KCNH8: variants seen among roughly 807,000 people sequenced by gnomAD.
The protein encoded by KCNH8 is potassium voltage-gated channel subfamily H member 8.
A neutral mutation model predicts 103.6 loss-of-function variants in KCNH8; 70 were observed. The observed-to-expected ratio is 0.68, with a 90% CI of 0.56 to 0.82. KCNH8 has a LOEUF of 0.82. Ranked by LOEUF, KCNH8 falls within the 40% of genes least tolerant of loss-of-function variation. The pLI is 0.00. For synonymous variants in KCNH8, 498 were observed against 489.4 expected, an observed-to-expected ratio of 1.02 and a Z score of -0.23; for missense variants, 1,217 against 1,329.9, an observed-to-expected ratio of 0.92 and a Z score of 1.32.
chr3:19,517,326 C>T (rs1389536774), intron 14 of KCNH8, among the ~76,000 whole-genome samples: 11 of 151,980 alleles, frequency 7.2e-5, no homozygotes, highest in Admixed American at 7.2e-4. Context: ...CTTTTCTTCC[C>T]CCACCAACAA....
At chr3:19,510,189 T>C (rs986158296) in intron 11 of KCNH8, among the ~76,000 whole-genome samples, 174 bp from the exon 12 acceptor site, 3 of 152,136 alleles carry the variant, frequency 2.0e-5, no homozygotes, top group African/African-American at 7.2e-5. Flanking sequence ...TTTGGCACAT[T>C]GTAGAAGGTG....
At chr3:19,326,551 T>C (rs896201267) in intron 3 of KCNH8, among the ~76,000 whole-genome samples, 2 of 151,960 alleles carry the variant, frequency 1.3e-5, no homozygotes, top group Non-Finnish European at 2.9e-5. Flanking sequence ...AATGTTGGTA[T>C]TCTATTGATT....
chr3:19,295,375 C>G (rs2064982650), intron 3 of KCNH8, among the ~76,000 whole-genome samples: 1 of 147,220 alleles, frequency 6.8e-6, no homozygotes, highest in Non-Finnish European at 1.5e-5. Context: ...CATAGAGAGA[C>G]CCTGTCTCAA....
At chr3:19,187,927 T>C (rs1350406959) in intron 1 of KCNH8, among the ~76,000 whole-genome samples, 4 of 152,098 alleles carry the variant, frequency 2.6e-5, no homozygotes, top group African/African-American at 4.8e-5. Flanking sequence ...TATTTATTGT[T>C]ATATTACTTA....
At chr3:19,530,695 C>T (rs1340650328) in intron 15 of KCNH8, among the ~76,000 whole-genome samples, 1 of 152,172 alleles carries the variant, frequency 6.6e-6, no homozygotes. Context: ...GCTTTTTACT[C>T]ATGAGGCTAC....
chr3:19,507,642 G>A (rs1191369356), intron 11 of KCNH8, among the ~76,000 whole-genome samples: 2 of 152,196 alleles, frequency 1.3e-5, no homozygotes, highest in African/African-American at 4.8e-5. Flanking sequence ...TGGGGACAGG[G>A]TAGTTGTGTT....
chr3:19,492,864 TGTGTGTG>T (rs1352486033), intron 11 of KCNH8, among the ~76,000 whole-genome samples: 65 of 146,022 alleles, frequency 4.5e-4, no homozygotes, highest in African/African-American at 1.6e-3. Flanking sequence ...TGTGTGTGTG[TGTGTGTG>T]TGTGTGTGTG....
chr3:19,384,133 T>C (rs1340382451), intron 5 of KCNH8, among the ~76,000 whole-genome samples: 2 of 152,180 alleles, frequency 1.3e-5, no homozygotes, highest in Admixed American at 6.5e-5. Context: ...ATAACACAAA[T>C]AATTAGTTGT....
At chr3:19,437,029 T>C (rs1575065961) in intron 7 of KCNH8, among the ~76,000 whole-genome samples, 1 of 152,188 alleles carries the variant, frequency 6.6e-6, no homozygotes, top group South Asian at 2.1e-4. Context: ...GCTTCAAATT[T>C]GCATTTTAAT....
At chr3:19,254,877 C>T (rs1221820493) in intron 2 of KCNH8, among the ~76,000 whole-genome samples, 5 of 152,070 alleles carry the variant, frequency 3.3e-5, no homozygotes, top group Non-Finnish European at 5.9e-5. Flanking sequence ...GTATTTTGTG[C>T]AATCTCTGGG....
At chr3:19,192,699 T>C (rs1353448986) in intron 1 of KCNH8, among the ~76,000 whole-genome samples, 3 of 151,744 alleles carry the variant, frequency 2.0e-5, no homozygotes, top group Admixed American at 2.0e-4. Flanking sequence ...ACATAAAATG[T>C]CTCTAGTTAA....
At chr3:19,395,465 A>G (rs145346853) in intron 7 of KCNH8, among the ~76,000 whole-genome samples, 154 bp downstream of exon 7, 160 of 152,190 alleles carry the variant, frequency 1.1e-3, no homozygotes, top group African/African-American at 3.6e-3. Flanking sequence ...TGACACAAGT[A>G]ATTTATTTCA....
intron 11 of KCNH8, among the ~76,000 whole-genome samples, chr3:19,471,206 G>C (rs545560700): frequency 2.4e-4 from 36 of 152,276 alleles, no homozygotes; most frequent in African/African-American, 8.4e-4. Context: ...GAAGAGAACA[G>C]CAGATGTTCA....
At position 19,178,621 on chromosome 3, in the gene KCNH8, G is replaced by C. The variant is rs146647541; in HGVS notation, c.76+29826G>C. Among the ~76,000 whole-genome samples, 1,163 of 152,238 alleles carry C rather than the reference G, an allele frequency of 7.6e-3. 15 individuals are homozygous for C. Among genetic ancestry groups the C allele is most frequent in the African/African-American group, 0.027 (1,114 of 41,556 alleles). ...TAGACTGAGATTTGAATTCTGAGTA[G>C]AATCTGTTGGCTAGAAAGGGAGTGT... On this transcript the variant is annotated intron_variant, in intron 1 of 15. Transcript: ENST00000328405.
intron 5 of KCNH8, among the ~76,000 whole-genome samples, chr3:19,371,860 A>C (rs1260313420): frequency 1.3e-5 from 2 of 150,644 alleles, no homozygotes; most frequent in Non-Finnish European, 3.0e-5. Flanking sequence ...ACCATTTATT[A>C]AATAGGGAAT....
At chr3:19,428,328 C>G (rs2067059598) in intron 7 of KCNH8, among the ~76,000 whole-genome samples, 1 of 152,132 alleles carries the variant, frequency 6.6e-6, no homozygotes, top group Admixed American at 6.5e-5. Context: ...GTGTCTTAAC[C>G]ATTTAATGAC....
intron 3 of KCNH8, among the ~76,000 whole-genome samples, chr3:19,320,285 G>A (rs568228005): frequency 6.6e-6 from 1 of 152,076 alleles, no homozygotes; most frequent in Non-Finnish European, 1.5e-5. Flanking sequence ...GTATAATATT[G>A]GCTGTGGGTT....
intron 7 of KCNH8, among the ~76,000 whole-genome samples, chr3:19,421,259 C>T (rs1031317370): frequency 6.6e-6 from 1 of 151,996 alleles, no homozygotes; most frequent in African/African-American, 2.4e-5. Context: ...TTAAAAAAAT[C>T]TTTGTTTGAC....
intron 11 of KCNH8, among the ~76,000 whole-genome samples, chr3:19,509,230 T>C (rs1056376044): frequency 6.6e-6 from 1 of 152,156 alleles, no homozygotes; most frequent in African/African-American, 2.4e-5. Context: ...TGATGAAACA[T>C]ATATTTGCAC....
Sources: gnomAD v4.1 joint callset for allele counts (sites outside exome capture counted in the v4.1 genomes callset) on GRCh38, gnomAD v4.1.1 for gene constraint, MANE v1.5 for transcripts, NCBI Gene and HGNC (gene_info 2026-07-23, HGNC 2026-07-21) for gene names.